RNF152: variants seen among roughly 807,000 people sequenced by gnomAD.
RNF152 encodes the protein E3 ubiquitin-protein ligase RNF152.
Under a neutral mutation model 12.7 loss-of-function variants are expected in RNF152, and 11 were observed. That is an observed-to-expected ratio of 0.86 (90% CI 0.54 to 1.43). The LOEUF is 1.43. Among genes scored for constraint, RNF152 ranks in the 40% most tolerant of loss-of-function variants. The pLI, the probability that RNF152 is intolerant of heterozygous loss-of-function variation, is 0.00. For missense variants in RNF152, 255 were observed against 274.8 expected (o/e 0.93, Z 0.51); for synonymous variants, 113 against 120.3 (o/e 0.94, Z 0.40).
intron 1 of RNF152, among the ~76,000 whole-genome samples, chr18:61,845,092 T>G (rs913253794): frequency 2.6e-5 from 4 of 152,160 alleles, no homozygotes; most frequent in Admixed American, 2.0e-4. Flanking sequence ...GTGGGTTTTT[T>G]GTTTGTTTTC....
At chr18:61,828,597 T>A (rs944842670) in intron 1 of RNF152, among the ~76,000 whole-genome samples, 5 of 150,678 alleles carry the variant, frequency 3.3e-5, no homozygotes, top group Non-Finnish European at 5.9e-5. Context: ...CAAATTTATG[T>A]ATTTAAAACC....
intron 1 of RNF152, among the ~76,000 whole-genome samples, chr18:61,874,034 C>T (rs898714071): frequency 6.6e-6 from 1 of 152,172 alleles, no homozygotes; most frequent in African/African-American, 2.4e-5. Flanking sequence ...CATGATCATT[C>T]TTCATACTAT....
chr18:61,871,235 T>A (rs1001157615), intron 1 of RNF152, among the ~76,000 whole-genome samples: 4 of 112,454 alleles, frequency 3.6e-5, no homozygotes, highest in Non-Finnish European at 6.6e-5. Context: ...CAGAAGGGAA[T>A]TGATTCACCC....
intron 1 of RNF152, among the ~76,000 whole-genome samples, chr18:61,885,434 A>C (rs757910528): frequency 6.6e-6 from 1 of 152,110 alleles, no homozygotes; most frequent in Admixed American, 6.6e-5. Flanking sequence ...CAGCCTCCCA[A>C]GTAGCTGGGA....
rs954578344 is a variant in RNF152 at position 61,812,456 on chromosome 18, T to C, written c.*3396A>G. Reference sequence around the variant, plus strand: ...CTTAATTCTATTTTTAAAGAAAACATCTTAGAGCTTTCTGATCATTAAGTA... The same window carrying C: ...CTTAATTCTATTTTTAAAGAAAACACCTTAGAGCTTTCTGATCATTAAGTA... On this transcript the variant is annotated 3_prime_UTR_variant, in exon 2 of 2. Transcript: ENST00000312828. 3 of 152,294 alleles carry C rather than the reference T, an allele frequency of 2.0e-5. No individual in the cohort carries two copies. Among genetic ancestry groups the C allele is most frequent in the Admixed American group, 6.5e-5 (1 of 15,298 alleles). The allele number at this position is 152,294 out of a possible 1,614,324, so 9.4% of individuals were successfully genotyped here. A position where few individuals can be genotyped will look rare whatever the true frequency, so the allele number is the denominator to read the frequency against.
At chr18:61,853,471 T>A (rs1911078770) in intron 1 of RNF152, among the ~76,000 whole-genome samples, 1 of 152,106 alleles carries the variant, frequency 6.6e-6, no homozygotes, top group Non-Finnish European at 1.5e-5. Context: ...TTTGTATTTT[T>A]AGTAGAGATG....
intron 1 of RNF152, among the ~76,000 whole-genome samples, chr18:61,887,392 A>G (rs1372723356): frequency 7.9e-6 from 1 of 127,204 alleles, no homozygotes; most frequent in Non-Finnish European, 1.7e-5. Flanking sequence ...TCACTAAGTG[A>G]ATCTGTCAAG....
At chr18:61,861,614 T>C (rs1911487049) in intron 1 of RNF152, among the ~76,000 whole-genome samples, 1 of 152,196 alleles carries the variant, frequency 6.6e-6, no homozygotes, top group Non-Finnish European at 1.5e-5. Context: ...TAGGAATACA[T>C]GAGGTTGGGT....
At chr18:61,872,950 T>C (rs1054842229) in intron 1 of RNF152, among the ~76,000 whole-genome samples, 3 of 152,228 alleles carry the variant, frequency 2.0e-5, no homozygotes, top group African/African-American at 7.2e-5. Context: ...TTGTTTCTGA[T>C]AATAGCTTCC....
intron 1 of RNF152, among the ~76,000 whole-genome samples, chr18:61,861,482 T>A (rs1419338063): frequency 2.6e-5 from 4 of 152,184 alleles, no homozygotes. Context: ...GTGTACTCAC[T>A]CCATAATGTT....
chr18:61,851,335 A>G (rs1910965193), intron 1 of RNF152, among the ~76,000 whole-genome samples: 1 of 152,172 alleles, frequency 6.6e-6, no homozygotes, highest in African/African-American at 2.4e-5. Context: ...CATCTATACC[A>G]TATTCCTACC....
At chr18:61,881,377 GA>G (rs1912456691) in intron 1 of RNF152, among the ~76,000 whole-genome samples, 1 of 152,156 alleles carries the variant, frequency 6.6e-6, no homozygotes, top group Admixed American at 6.5e-5. Context: ...TCTCAAGGGA[GA>G]AATAAAAATG....
chr18:61,816,337 T>C lies in RNF152; in HGVS notation c.127A>G (p.Arg43Gly), dbSNP rs1377855638. ...CACCGCACATCCTTCTGGCTGGTCC[T>C]CATCTGCTGCAGGCACACTGAACAG... Reference protein sequence around the residue: ...TCCSVCLQQMRTSQKDVRCPW... With the variant: ...TCCSVCLQQMGTSQKDVRCPW... The change falls in exon 2 of 2, where the codon AGG becomes GGG. Residue 43 changes from arginine (R) to glycine (G), a missense_variant. Physicochemically the swap from Arg to Gly is moderately radical, Grantham distance 125. Transcript: ENST00000312828. The C allele has an allele frequency of 6.2e-7, 1 of 1,614,092 alleles. No homozygotes were observed. The highest frequency in any genetic ancestry group is 8.5e-7 in the Non-Finnish European group (1 of 1,180,034).
rs1016627005 is a variant in RNF152 at position 61,814,964 on chromosome 18, T to C, written c.*888A>G. 1 of 152,498 alleles carries C rather than the reference T, an allele frequency of 6.6e-6. No individual in the cohort carries two copies. The highest frequency in any genetic ancestry group is 1.5e-5 in the Non-Finnish European group (1 of 68,050). 9.4% of individuals were successfully genotyped at this position (152,498 alleles called of 1,614,324 possible). ...GCCACCGCTTCAGAGACTTGACTCA[T>C]TCATGCCCAATGAAGTCTTCATCCC... On this transcript the variant is annotated 3_prime_UTR_variant, in exon 2 of 2. Coordinates refer to ENST00000312828, the MANE Select transcript of RNF152 (RefSeq NM_173557.3).
chr18:61,888,181 A>T (rs1024712700), intron 1 of RNF152: 1 of 152,324 alleles, frequency 6.6e-6, no homozygotes, highest in African/African-American at 2.4e-5. Context: ...CGAAGAACGT[A>T]GTCCAGGCCT....
intron 1 of RNF152, among the ~76,000 whole-genome samples, chr18:61,837,324 C>T (rs1023890406): frequency 6.6e-6 from 1 of 151,986 alleles, no homozygotes; most frequent in African/African-American, 2.4e-5. Flanking sequence ...GGGAAAATGC[C>T]CAAAGTGATA....
chr18:61,855,634 G>A (rs561149905), intron 1 of RNF152, among the ~76,000 whole-genome samples: 7 of 152,354 alleles, frequency 4.6e-5, no homozygotes, highest in African/African-American at 9.6e-5. Context: ...TGCCTGCCCC[G>A]CTGCAGCCCC....
intron 1 of RNF152, among the ~76,000 whole-genome samples, chr18:61,829,597 G>GA (rs1909841652): frequency 1.4e-5 from 2 of 142,074 alleles, no homozygotes; most frequent in Non-Finnish European, 3.0e-5. Context: ...AGAGAGATAA[G>GA]GAGAGAGAGA....
At chr18:61,862,156 A>T (rs984027184) in intron 1 of RNF152, among the ~76,000 whole-genome samples, 1 of 152,148 alleles carries the variant, frequency 6.6e-6, no homozygotes, top group African/African-American at 2.4e-5. Context: ...CCCTTTTTAC[A>T]TGTTAATACA....
Sources: allele counts gnomAD v4.1 joint callset (sites outside exome capture counted in the v4.1 genomes callset), GRCh38; gene constraint gnomAD v4.1.1; transcripts MANE v1.5; gene names NCBI Gene and HGNC (gene_info 2026-07-23, HGNC 2026-07-21).